The following AIG1 variants were observed in gnomAD, a reference collection of about 807,000 sequenced individuals.
AIG1 encodes the protein androgen-induced gene 1 protein.
A neutral mutation model predicts 31.4 loss-of-function variants in AIG1; 23 were observed. The observed-to-expected ratio is 0.73, with a 90% confidence interval of 0.53 to 1.04. The LOEUF is 1.04. Among genes scored for constraint, AIG1 ranks in the 50% least tolerant of loss-of-function variants. AIG1 has a pLI of 0.00. For synonymous variants in AIG1, 100 were observed against 110.5 expected (o/e 0.90, Z 0.60); for missense variants, 274 against 295.0 (o/e 0.93, Z 0.52).
intron 1 of AIG1, among the ~76,000 whole-genome samples, chr6:143,108,649 T>A (rs1443473099): frequency 6.6e-6 from 1 of 152,148 alleles, no homozygotes; most frequent in Non-Finnish European, 1.5e-5. Flanking sequence ...CAGACACATA[T>A]ATGTGGGATG....
In AIG1 at chr6:143,325,832, T is replaced by C. The variant is rs1015003076; in HGVS notation, c.516-7450T>C. Reference sequence around the variant, plus strand: ...GTTTTAAAATGCTAGTAACAGTGAGTTACTGACAAATGTTTAACAACCAGC... The same window carrying C: ...GTTTTAAAATGCTAGTAACAGTGAGCTACTGACAAATGTTTAACAACCAGC... On this transcript the variant is annotated intron_variant, in intron 4 of 5. Transcript: ENST00000357847. This position sits in a 1 kb window ranked among gnomAD's most constrained non-coding sequence, Gnocchi z 4.3. Among the ~76,000 whole-genome samples, 2 of 152,232 alleles carry C rather than the reference T, an allele frequency of 1.3e-5. No individual in the cohort carries two copies. Among genetic ancestry groups the C allele is most frequent in the African/African-American group, 4.8e-5 (2 of 41,466 alleles).
At chr6:143,159,664 C>T (rs1280242261) in intron 2 of AIG1, among the ~76,000 whole-genome samples, 1 of 152,190 alleles carries the variant, frequency 6.6e-6, no homozygotes. Context: ...CCCTAAGCTT[C>T]ACTATGCGTT....
Position 143,213,029 on chromosome 6 carries a change from C to T in AIG1, c.399+47846C>T, listed in dbSNP as rs146271998. On this transcript the variant is annotated intron_variant, in intron 3 of 5. Transcript: ENST00000357847. ...TCAACTTCTGAAAAAGCATTGTGAT[C>T]CTCAATCTTAACAAATATCAAAATG... is the stretch of plus-strand genomic sequence containing the variant. 4.8e-3 allele frequency among the ~76,000 whole-genome samples: 736 copies of T among 152,264 alleles called. 16 individuals carry two copies. The highest frequency in any genetic ancestry group is 0.035 in the Admixed American group (540 of 15,294).
chr6:143,226,374 C>T (rs1338775722), intron 3 of AIG1, among the ~76,000 whole-genome samples: 2 of 151,536 alleles, frequency 1.3e-5, no homozygotes, highest in African/African-American at 2.4e-5. Context: ...CAAGTAGCTG[C>T]GACTACAGGC....
intron 1 of AIG1, among the ~76,000 whole-genome samples, chr6:143,115,492 A>G (rs1195455816): frequency 6.6e-6 from 1 of 152,208 alleles, no homozygotes; most frequent in African/African-American, 2.4e-5. Context: ...CTCATATTTA[A>G]AAGGAGCTTT....
chr6:143,335,128 C>A, intron 5 of AIG1: 1 of 1,416,292 alleles, frequency 7.1e-7, no homozygotes, highest in South Asian at 1.8e-5. Flanking sequence ...AAGTAAGTAT[C>A]ATCCTCATTT....
At chr6:143,276,710 A>G (rs1796941507) in intron 3 of AIG1, among the ~76,000 whole-genome samples, 1 of 141,986 alleles carries the variant, frequency 7.0e-6, no homozygotes, top group Non-Finnish European at 1.5e-5. Flanking sequence ...AAACACTACA[A>G]TGTCTCTACT....
rs140049244 is a variant in AIG1, at chr6:143,096,113, A to C, written c.141+35047A>C. Among the ~76,000 whole-genome samples the C allele has an allele frequency of 4.0e-3, 605 of 152,000 alleles. 3 individuals carry two copies. Among genetic ancestry groups the C allele is most frequent in the Non-Finnish European group, 7.2e-3 (490 of 67,968 alleles). On this transcript the variant is annotated intron_variant, in intron 1 of 5. Transcript: ENST00000357847. ...AGTAGAGACAGGGTTTCACCATATT[A>C]GCCAGGGTGGTCTCGATCTCCTGAC...
intron 3 of AIG1, among the ~76,000 whole-genome samples, chr6:143,207,212 T>C (rs1791181814): frequency 6.6e-6 from 1 of 152,166 alleles, no homozygotes; most frequent in Non-Finnish European, 1.5e-5. Flanking sequence ...TCCATGAGTG[T>C]CTTGCTAAAA....
intron 1 of AIG1, among the ~76,000 whole-genome samples, chr6:143,091,553 G>A (rs1445818267): frequency 6.6e-6 from 1 of 152,186 alleles, no homozygotes; most frequent in African/African-American, 2.4e-5. Flanking sequence ...GAGAAAAAAA[G>A]CTGTGTCTCT....
chr6:143,343,023 T>A (rs1239868258), downstream of AIG1: 1 of 841,868 alleles, frequency 1.2e-6, no homozygotes, highest in Non-Finnish European at 2.1e-6. Context: ...ATTTTGTCAG[T>A]TATGTGTGTA....
intron 3 of AIG1, chr6:143,188,114 G>A: frequency 9.9e-7 from 1 of 1,009,712 alleles, no homozygotes; most frequent in Non-Finnish European, 1.2e-6. Context: ...AGTTTAAAAT[G>A]AAGGATAAGC....
chr6:143,222,275 C>A (rs1792580203), intron 3 of AIG1, among the ~76,000 whole-genome samples: 1 of 152,220 alleles, frequency 6.6e-6, no homozygotes, highest in Non-Finnish European at 1.5e-5. Context: ...CCCTCCAGGA[C>A]TCCCTTCTGT....
intron 2 of AIG1, among the ~76,000 whole-genome samples, chr6:143,151,787 A>T (rs1326777673): frequency 6.6e-6 from 1 of 152,246 alleles, no homozygotes; most frequent in Admixed American, 6.5e-5. Context: ...CTCTCCCTAG[A>T]GGCAATAACT....
chr6:143,190,899 G>T (rs1482954365), intron 3 of AIG1, among the ~76,000 whole-genome samples: 1 of 152,120 alleles, frequency 6.6e-6, no homozygotes, highest in Non-Finnish European at 1.5e-5. Context: ...TTGCATTAAT[G>T]TTGGTCAACC....
At chr6:143,103,215 T>C (rs1780463518) in intron 1 of AIG1, among the ~76,000 whole-genome samples, 1 of 152,082 alleles carries the variant, frequency 6.6e-6, no homozygotes, top group Non-Finnish European at 1.5e-5. Context: ...GTAATGGGGG[T>C]GTCAGGCCCA....
chr6:143,267,417 C>T (rs1465250805), intron 3 of AIG1, among the ~76,000 whole-genome samples: 2 of 152,200 alleles, frequency 1.3e-5, no homozygotes, highest in Non-Finnish European at 2.9e-5. Context: ...TGCCTATCCT[C>T]GTATAGCACA....
intron 3 of AIG1, among the ~76,000 whole-genome samples, chr6:143,228,621 G>C (rs556979873): frequency 6.6e-6 from 1 of 152,156 alleles, no homozygotes; most frequent in Non-Finnish European, 1.5e-5. Flanking sequence ...TAGAGGGTGG[G>C]ACCACATTTA....
chr6:143,175,243 CT>C (rs1788036036), intron 3 of AIG1, among the ~76,000 whole-genome samples: 1 of 152,142 alleles, frequency 6.6e-6, no homozygotes, highest in Non-Finnish European at 1.5e-5. Context: ...AGATTCTTTC[CT>C]TTGTGTTGAT....
Sources: allele counts gnomAD v4.1 joint callset (sites outside exome capture counted in the v4.1 genomes callset), GRCh38; gene constraint gnomAD v4.1.1; non-coding constraint Gnocchi (gnomAD v3.1); transcripts MANE v1.5; gene names NCBI Gene and HGNC (gene_info 2026-07-23, HGNC 2026-07-21).